AIG1: variants seen among roughly 807,000 people sequenced by gnomAD.
AIG1 encodes the protein androgen-induced gene 1 protein.
A neutral mutation model predicts 31.4 loss-of-function variants in AIG1; 23 were observed. The ratio of observed to expected loss-of-function variants is 0.73; its 90% CI spans 0.53 to 1.04. AIG1 has a LOEUF of 1.04. Among genes scored for constraint, AIG1 ranks in the 50% least tolerant of loss-of-function variants. The probability of loss-of-function intolerance (pLI) is 0.00; values close to 1 mark genes in which losing one functional copy is unlikely to be tolerated. For missense variants in AIG1, 274 were observed against 295.0 expected (o/e 0.93, Z 0.52); for synonymous variants, 100 against 110.5 (o/e 0.90, Z 0.60).
rs541246955 is a variant in AIG1 at position 143,195,681 on chromosome 6, G to A, written c.399+30498G>A. Among the ~76,000 whole-genome samples the A allele has an allele frequency of 1.6e-3, 242 of 151,332 alleles. 1 individual carries two copies. Among genetic ancestry groups the A allele is most frequent in the African/African-American group, 5.5e-3 (228 of 41,464 alleles). The stretch of plus-strand genomic sequence containing the variant: ...AAGCTGGGAGGGAGCCCTCGCCAGG[G>A]AGGGAGAATATCTTAGGGAGGAGGA... On this transcript the variant is annotated intron_variant, in intron 3 of 5. Transcript: ENST00000357847.
intron 3 of AIG1, among the ~76,000 whole-genome samples, chr6:143,225,396 T>A (rs1792870766): frequency 6.6e-6 from 1 of 152,232 alleles, no homozygotes; most frequent in Non-Finnish European, 1.5e-5. Context: ...CAGAAAATGC[T>A]TGTTGAACAA....
At chr6:143,220,673 A>G (rs963756240) in intron 3 of AIG1, among the ~76,000 whole-genome samples, 2 of 152,186 alleles carry the variant, frequency 1.3e-5, no homozygotes, top group Non-Finnish European at 2.9e-5. Flanking sequence ...ACCTGAGAGG[A>G]TGCTAATAAG....
rs773049628 is a variant in AIG1 at position 143,165,062 on chromosome 6, A to C, written c.298-20A>C. 12 of 1,552,050 alleles carry C rather than the reference A, an allele frequency of 7.7e-6. No individual in the cohort carries two copies. Among genetic ancestry groups the C allele is most frequent in the Non-Finnish European group, 1.1e-5 (12 of 1,125,596 alleles). ...GGATAGTCGATGAACTTGAAATAAA[A>C]GATTTCTTTTTCCTTCCAGTTTGTT... On this transcript the variant is annotated intron_variant, in intron 2 of 5. Transcript: ENST00000357847.
rs766317855 is a variant in AIG1, at chr6:143,284,255, T to C, written c.515+30T>C. ...GGACCATGCCTGCTGGGCTTTCTTA[T>C]TGTATTAGATTTTGCACTGCTAAAT... On this transcript the variant is annotated intron_variant, in intron 4 of 5. Coordinates refer to ENST00000357847, the MANE Select transcript of AIG1 (RefSeq NM_016108.4). This position sits in a 1 kb window ranked among gnomAD's most constrained non-coding sequence, Gnocchi z 4.4. 8 of 1,524,256 alleles carry C rather than the reference T, an allele frequency of 5.2e-6. No homozygotes were observed. The highest frequency in any genetic ancestry group is 2.3e-5 in the East Asian group (1 of 44,382). 94.4% of individuals were successfully genotyped at this position (1,524,256 alleles called of 1,614,324 possible).
chr6:143,069,295 G>T (rs1331068883), intron 1 of AIG1, among the ~76,000 whole-genome samples: 1 of 152,126 alleles, frequency 6.6e-6, no homozygotes, highest in Non-Finnish European at 1.5e-5. Flanking sequence ...GGGATTACAG[G>T]CATGAGCCAC....
chr6:143,119,130 T>C (rs1183848524), intron 1 of AIG1, among the ~76,000 whole-genome samples: 1 of 152,118 alleles, frequency 6.6e-6, no homozygotes, highest in African/African-American at 2.4e-5. Context: ...CTCCTTGGCC[T>C]CCCAAAGAGC....
At chr6:143,174,347 C>T (rs896689746) in intron 3 of AIG1, among the ~76,000 whole-genome samples, 3 of 151,872 alleles carry the variant, frequency 2.0e-5, no homozygotes, top group Non-Finnish European at 4.4e-5. Flanking sequence ...ATTAGCCAGG[C>T]GTGGTGGCAG....
chr6:143,207,013 A>T (rs1197520240), intron 3 of AIG1, among the ~76,000 whole-genome samples: 1 of 152,152 alleles, frequency 6.6e-6, no homozygotes, highest in African/African-American at 2.4e-5. Context: ...GCCAATTAAG[A>T]TGTCATAAGT....
rs1034144506 is a variant in AIG1, at chr6:143,288,600, A to G, written c.515+4375A>G. Among the ~76,000 whole-genome samples the G allele has an allele frequency of 5.3e-5, 8 of 152,204 alleles. No homozygotes were observed. Among genetic ancestry groups the G allele is most frequent in the Non-Finnish European group, 1.2e-4 (8 of 68,046 alleles). The stretch of plus-strand genomic sequence containing the variant: ...TCATTTCCCCAAATGTGTTCACTGA[A>G]TAACTTTCCAACACAGAAAATAAAA... On this transcript the variant is annotated intron_variant, in intron 4 of 5. Transcript: ENST00000357847. This position sits in a 1 kb window ranked among gnomAD's most constrained non-coding sequence, Gnocchi z 4.4.
At chr6:143,097,300 T>TTA (rs763258614) in intron 1 of AIG1, among the ~76,000 whole-genome samples, 2 of 152,074 alleles carry the variant, frequency 1.3e-5, no homozygotes, top group Non-Finnish European at 2.9e-5. Context: ...TTATCACCTT[T>TTA]CCCAATCCTA....
intron 2 of AIG1, among the ~76,000 whole-genome samples, chr6:143,154,807 G>T (rs1785576869): frequency 6.6e-6 from 1 of 152,168 alleles, no homozygotes; most frequent in African/African-American, 2.4e-5. Flanking sequence ...ATGAGTCTTA[G>T]ATTATTTCAA....
intron 1 of AIG1, among the ~76,000 whole-genome samples, chr6:143,124,563 C>T (rs1359216120): frequency 1.3e-5 from 2 of 152,206 alleles, no homozygotes; most frequent in East Asian, 3.9e-4. Context: ...TTCCAGCAGG[C>T]TGCAAACACA....
chr6:143,080,225 G>A (rs972486332), intron 1 of AIG1, among the ~76,000 whole-genome samples: 4 of 151,832 alleles, frequency 2.6e-5, no homozygotes, highest in African/African-American at 9.7e-5. Flanking sequence ...AGTAGGGGTC[G>A]TGCAGTTGAG....
At chr6:143,275,272 A>G (rs562850514) in intron 3 of AIG1, among the ~76,000 whole-genome samples, 3 of 152,172 alleles carry the variant, frequency 2.0e-5, no homozygotes, top group Non-Finnish European at 4.4e-5. Flanking sequence ...AGCCAGCAGG[A>G]TAGGAACCAG....
intron 3 of AIG1, among the ~76,000 whole-genome samples, chr6:143,281,540 C>T (rs1797340933): frequency 6.6e-6 from 1 of 152,164 alleles, no homozygotes; most frequent in Admixed American, 6.6e-5. Flanking sequence ...ATCTCTCTTG[C>T]TGCTATAGAT....
chr6:143,283,105 A>G (rs757400954), intron 3 of AIG1, among the ~76,000 whole-genome samples: 6 of 152,206 alleles, frequency 3.9e-5, no homozygotes, highest in Non-Finnish European at 7.3e-5. Context: ...TTTATCTTAG[A>G]AACTCTTTGT....
intron 3 of AIG1, among the ~76,000 whole-genome samples, chr6:143,232,099 T>C (rs932796741): frequency 4.6e-5 from 7 of 152,234 alleles, no homozygotes; most frequent in Admixed American, 1.3e-4. Flanking sequence ...GAAAGATTCC[T>C]CTGGCAAATG....
chr6:143,076,322 A>G (rs950580582), intron 1 of AIG1, among the ~76,000 whole-genome samples: 2 of 152,130 alleles, frequency 1.3e-5, no homozygotes, highest in Non-Finnish European at 2.9e-5. Flanking sequence ...AAATGTTCTT[A>G]TTCCTAGGTA....
At chr6:143,210,502 T>C (rs1192326160) in intron 3 of AIG1, among the ~76,000 whole-genome samples, 1 of 152,152 alleles carries the variant, frequency 6.6e-6, no homozygotes, top group Admixed American at 6.5e-5. Flanking sequence ...GAAGGAGTAG[T>C]AGATGTACAG....
Sources: gnomAD v4.1 joint callset for allele counts (sites outside exome capture counted in the v4.1 genomes callset) on GRCh38, gnomAD v4.1.1 for gene constraint, Gnocchi (gnomAD v3.1) non-coding constraint, MANE v1.5 for transcripts, NCBI Gene and HGNC (gene_info 2026-07-23, HGNC 2026-07-21) for gene names.